TFEB: variants seen among roughly 807,000 people sequenced by gnomAD.
TFEB encodes the protein T-cell transcription factor EB.
A neutral mutation model predicts 48.0 loss-of-function variants in TFEB; 12 were observed. That is an observed-to-expected ratio of 0.25 (90% CI 0.16 to 0.40). The LOEUF (loss-of-function observed/expected upper bound fraction) is 0.40, where lower values mean the gene tolerates loss of function less well. Ranked by LOEUF, TFEB falls within the 10% of genes least tolerant of loss-of-function variation. The pLI is 1.00. For missense variants in TFEB, 509 were observed against 640.3 expected (o/e 0.79, Z 2.21); for synonymous variants, 244 against 261.4 (o/e 0.93, Z 0.64).
At position 41,684,736 on chromosome 6, in the gene TFEB, C is replaced by G. The variant is rs1052269027; in HGVS notation, c.1294G>C (p.Asp432His). 5.0e-6 allele frequency: 8 copies of G among 1,613,720 alleles called. No individual in the cohort carries two copies. Among genetic ancestry groups the G allele is most frequent in the African/African-American group, 1.3e-5 (1 of 75,034 alleles). Residue 432 changes from aspartate to histidine, a missense_variant, in exon 9 of 9, where the codon GAT becomes CAT. Transcript: ENST00000373033. ...TCGTCCAGGAGCATGAGGTCCAGATCCTTCTTGGACAGGCTGGGGAATGGG... is the reference window on the plus strand; with the variant it reads ...TCGTCCAGGAGCATGAGGTCCAGATGCTTCTTGGACAGGCTGGGGAATGGG... ...GSPFPSLSKK[D>H]LDLMLLDDSL...
At chr6:41,695,201 G>C (rs796172403) in intron 1 of TFEB, among the ~76,000 whole-genome samples, 5 of 152,308 alleles carry the variant, frequency 3.3e-5, no homozygotes, top group African/African-American at 7.2e-5. Context: ...GGGGCCATTG[G>C]GGGGATTCAA....
intron 1 of TFEB, among the ~76,000 whole-genome samples, chr6:41,717,917 A>C (rs1770806741): frequency 6.6e-6 from 1 of 152,186 alleles, no homozygotes; most frequent in Admixed American, 6.5e-5. Context: ...ATGGGGCTTT[A>C]AACACCAGGC....
At position 41,734,989 on chromosome 6, in the gene TFEB, C is replaced by G. The variant is rs192872525; in HGVS notation, c.-23+361G>C. ...GCCCGCGCGTCCCTCAAACTTCTTG[C>G]GAGTTCACCATCACGCCTCCCGCCC... On this transcript the variant is annotated intron_variant, in intron 1 of 8. Transcript: ENST00000373033. The surrounding 1 kb of genome is among the most constrained non-coding windows in gnomAD (Gnocchi z 4.0). 1.8e-3 allele frequency: 1,809 copies of G among 985,454 alleles called. 32 individuals are homozygous for G. The African/African-American group carries it at 0.026, about 14-fold the overall frequency. 61.0% of individuals were successfully genotyped at this position (985,454 alleles called of 1,614,324 possible). A position where few individuals can be genotyped will look rare whatever the true frequency, so the allele number is the denominator to read the frequency against.
In TFEB at chr6:41,717,788, G is replaced by A. The variant is rs78189014; in HGVS notation, c.-23+17562C>T. Among the ~76,000 whole-genome samples, 139 of 152,342 alleles carry A rather than the reference G, an allele frequency of 9.1e-4. 1 individual carries two copies. The East Asian group carries it at 0.024, about 26-fold the overall frequency. ...AAGAGGAAGAGGTATCCTGGGCAGA[G>A]CACTGGCCATGGAGTCAGGAGCAAG... On this transcript the variant is annotated intron_variant, in intron 1 of 8. Transcript: ENST00000373033.
chr6:41,709,387 T>A (rs1281449699), intron 1 of TFEB, among the ~76,000 whole-genome samples: 7 of 152,344 alleles, frequency 4.6e-5, no homozygotes, highest in Admixed American at 1.3e-4. Flanking sequence ...GGATTAAACA[T>A]AAAGTATCTA....
At chr6:41,698,926 ACATTACGGAGGTGGT>A (rs1291166048) in intron 1 of TFEB, among the ~76,000 whole-genome samples, 1 of 152,228 alleles carries the variant, frequency 6.6e-6, no homozygotes, top group African/African-American at 2.4e-5. Flanking sequence ...AAGCCATTCC[ACATTACGGAGGTGGT>A]CATGAGTCAC....
chr6:41,716,315 C>T (rs976626420), intron 1 of TFEB, among the ~76,000 whole-genome samples: 6 of 152,206 alleles, frequency 3.9e-5, no homozygotes, highest in African/African-American at 7.2e-5. Context: ...CCTCCTTCAG[C>T]GGTAGCTGTC....
rs1291872682 is a variant in TFEB, at chr6:41,724,853, A to G, written c.-23+10497T>C. Among the ~76,000 whole-genome samples, 15 of 152,200 alleles carry G rather than the reference A, an allele frequency of 9.9e-5. No individual in the cohort carries two copies. Among genetic ancestry groups the G allele is most frequent in the Admixed American group, 9.8e-4 (15 of 15,288 alleles). ...CACAGCCCCTGCAGCAGCACGAACCAGGACTGAGGTTCACAGCGGTCACCT... is the reference window on the plus strand; with the variant it reads ...CACAGCCCCTGCAGCAGCACGAACCGGGACTGAGGTTCACAGCGGTCACCT... On this transcript the variant is annotated intron_variant, in intron 1 of 8. Coordinates refer to ENST00000373033, the MANE Select transcript of TFEB (RefSeq NM_001271944.2). The surrounding 1 kb of genome is among the most constrained non-coding windows in gnomAD (Gnocchi z 4.4).
chr6:41,691,774 CCT>C lies in TFEB; in HGVS notation c.-22-541_-22-540del, dbSNP rs1241292223. Among the ~76,000 whole-genome samples the C allele has an allele frequency of 1.3e-5, 2 of 152,144 alleles. No individual in the cohort carries two copies. The highest frequency in any genetic ancestry group is 2.9e-5 in the Non-Finnish European group (2 of 68,008). ...CACAACTCCCCATGGTTCCCACCTT[CCT>C]CAGGGGAAAAGCTAAAGTCCTTACC... On this transcript the variant is annotated intron_variant, in intron 1 of 8. Coordinates refer to ENST00000373033, the MANE Select transcript of TFEB (RefSeq NM_001271944.2). This position sits in a 1 kb window ranked among gnomAD's most constrained non-coding sequence, Gnocchi z 5.2.
At chr6:41,729,408 C>T (rs777853194) in intron 1 of TFEB, among the ~76,000 whole-genome samples, 3 of 152,312 alleles carry the variant, frequency 2.0e-5, no homozygotes, top group Non-Finnish European at 2.9e-5. Context: ...ACAACAACTA[C>T]GATTCAAGCT....
chr6:41,709,903 C>T (rs1282082887), intron 1 of TFEB, among the ~76,000 whole-genome samples: 2 of 152,222 alleles, frequency 1.3e-5, no homozygotes, highest in Non-Finnish European at 2.9e-5. Context: ...CCTCCCACCT[C>T]AGCCTCCCAA....
Position 41,724,826 on chromosome 6 carries a change from C to A in TFEB, c.-23+10524G>T, listed in dbSNP as rs534169271. 1.2e-4 allele frequency among the ~76,000 whole-genome samples: 18 copies of A among 152,332 alleles called. No individual in the cohort carries two copies. The South Asian group carries it at 2.3e-3, about 19-fold the overall frequency. On this transcript the variant is annotated intron_variant, in intron 1 of 8. Transcript: ENST00000373033. The surrounding 1 kb of genome is among the most constrained non-coding windows in gnomAD (Gnocchi z 4.4). ...CCCGCAGGGACTGTGGGGGAAGCGC[C>A]TCACAGCCCCTGCAGCAGCACGAAC...
chr6:41,714,336 C>T (rs555336839), intron 1 of TFEB, among the ~76,000 whole-genome samples: 54 of 152,302 alleles, frequency 3.5e-4, no homozygotes, highest in African/African-American at 1.2e-3. Context: ...CTGAGCCCAT[C>T]GTGTTTGTTT....
Position 41,691,078 on chromosome 6 carries a change from C to T in TFEB, c.136G>A (p.Gly46Arg), listed in dbSNP as rs776735262. 4 of 1,573,004 alleles carry T rather than the reference C, an allele frequency of 2.5e-6. No homozygotes were observed. Among genetic ancestry groups the T allele is most frequent in the Non-Finnish European group, 3.5e-6 (4 of 1,158,128 alleles). Residue 46 changes from glycine (G) to arginine (R), a missense_variant, in exon 2 of 9, where the codon GGA becomes AGA. By Grantham distance (125) the Gly-to-Arg change is moderately radical. Coordinates refer to ENST00000373033, the MANE Select transcript of TFEB (RefSeq NM_001271944.2). This position sits in a 1 kb window ranked among gnomAD's most constrained non-coding sequence, Gnocchi z 5.2. ...TTGATGGCCGGGGTGGGCGGCCCTC[C>T]GAGCTGCTGCTGTTGCTGCTGCTGC... The part of the protein sequence containing the change: ...QQQQQQQQQL[G>R]GPPTPAINTP...
intron 1 of TFEB, among the ~76,000 whole-genome samples, chr6:41,717,442 A>G (rs902407372): frequency 2.0e-5 from 3 of 152,222 alleles, no homozygotes; most frequent in African/African-American, 7.2e-5. Flanking sequence ...GTATGATATC[A>G]GAGCTGAACT....
At position 41,684,582 on chromosome 6, in the gene TFEB, C is replaced by T. The variant is rs1768885511; in HGVS notation, c.*17G>A. 3 of 1,535,968 alleles carry T rather than the reference C, an allele frequency of 2.0e-6. No homozygotes were observed. Among genetic ancestry groups the T allele is most frequent in the Non-Finnish European group, 1.8e-6 (2 of 1,142,816 alleles). ...CCCCAGGCCGGCCCCTGTTCCCTGG[C>T]ACAGGGGCAGCCAGGGTCACAGCAC... On this transcript the variant is annotated 3_prime_UTR_variant, in exon 9 of 9. Transcript: ENST00000373033.
At chr6:41,713,382 G>A (rs919178787) in intron 1 of TFEB, among the ~76,000 whole-genome samples, 1 of 152,188 alleles carries the variant, frequency 6.6e-6, no homozygotes, top group Non-Finnish European at 1.5e-5. Flanking sequence ...TATCAGTGCT[G>A]ACCACAGCAT....
upstream of TFEB, among the ~76,000 whole-genome samples, chr6:41,735,836 C>A (rs547504057): frequency 8.5e-5 from 13 of 152,176 alleles, no homozygotes; most frequent in Non-Finnish European, 1.6e-4. Flanking sequence ...CAGTAAAGTC[C>A]CAAACCAGGG....
In TFEB at chr6:41,687,936, C is replaced by T. The variant is rs202071361; in HGVS notation, c.642G>A (p.Ala214=). 103 of 1,613,832 alleles carry T rather than the reference C, an allele frequency of 6.4e-5. 1 individual carries two copies. Among genetic ancestry groups the T allele is most frequent in the South Asian group, 5.5e-4 (50 of 91,058 alleles). Residue 214 remains alanine, a synonymous_variant, in exon 5 of 9, where the codon GCG becomes GCA. Transcript: ENST00000373033. ...LVGVTSSSCP[A]DLTQKRELTD... is the part of the protein sequence containing the mutation. ...TGAGCTCTCGCTTCTGGGTCAGGTC[C>T]GCAGGGCAGGAGCTGCTGGTGACGC...
Sources: allele counts gnomAD v4.1 joint callset (sites outside exome capture counted in the v4.1 genomes callset), GRCh38; gene constraint gnomAD v4.1.1; non-coding constraint Gnocchi (gnomAD v3.1); transcripts MANE v1.5; gene names NCBI Gene and HGNC (gene_info 2026-07-23, HGNC 2026-07-21).